The following DACH2 variants were observed in gnomAD, a reference collection of about 807,000 sequenced individuals.
The protein encoded by DACH2 is dachshund family transcription factor 2.
Under a neutral mutation model 35.8 loss-of-function variants are expected in DACH2, and 17 were observed. The ratio of observed to expected loss-of-function variants is 0.48; its 90% CI spans 0.33 to 0.71. The LOEUF is 0.71. Ranked by LOEUF, DACH2 falls within the 30% of genes least tolerant of loss-of-function variation. DACH2 has a pLI of 0.02. For missense variants in DACH2, 469 were observed against 472.7 expected (o/e 0.99, Z 0.07); for synonymous variants, 195 against 177.3 (o/e 1.10, Z -0.79).
chrX:86,468,611 T>C (rs1346304525), intron 2 of DACH2, among the ~76,000 whole-genome samples: 1 of 111,759 alleles, frequency 8.9e-6, no homozygotes, highest in African/African-American at 3.3e-5. Context: ...AGTGAAGATA[T>C]CAGTAGAATA....
At chrX:86,268,489 CATTTATTTT>C (rs1569322566) in intron 1 of DACH2, among the ~76,000 whole-genome samples, 13 of 87,152 alleles carry the variant, frequency 1.5e-4, no homozygotes, top group Non-Finnish European at 7.0e-5. Context: ...TCATTTAAAA[CATTTATTTT>C]ATTTTATTTT....
chrX:86,652,035 C>T (rs748532973), intron 4 of DACH2, among the ~76,000 whole-genome samples: 4 of 111,516 alleles, frequency 3.6e-5, no homozygotes, highest in South Asian at 7.6e-4. Flanking sequence ...GATTATTTTG[C>T]CACTTGGATA....
chrX:86,748,675 G>A (rs2041739527), intron 7 of DACH2, among the ~76,000 whole-genome samples: 2 of 111,280 alleles, frequency 1.8e-5, no homozygotes, highest in African/African-American at 6.5e-5. Flanking sequence ...AGAATTACAG[G>A]GTTTTTATTT....
At chrX:86,805,381 G>T (rs763662003) in intron 7 of DACH2, among the ~76,000 whole-genome samples, 32 of 112,595 alleles carry the variant, frequency 2.8e-4, no homozygotes, top group Non-Finnish European at 4.9e-4. Flanking sequence ...CCTGGGCCTG[G>T]CCCACGAAAT....
chrX:86,666,638 A>C (rs1015017691), intron 4 of DACH2, among the ~76,000 whole-genome samples: 1 of 111,478 alleles, frequency 9.0e-6, no homozygotes, highest in African/African-American at 3.3e-5. Context: ...CTGATGTGTA[A>C]AATAGTAAGT....
chrX:86,211,170 GA>G (rs1213593247), intron 1 of DACH2, among the ~76,000 whole-genome samples: 2 of 111,616 alleles, frequency 1.8e-5, no homozygotes, highest in Admixed American at 9.6e-5. Context: ...TAATCAAACA[GA>G]AACTATTTTA....
intron 3 of DACH2, among the ~76,000 whole-genome samples, chrX:86,599,335 C>CTT (rs1470060633): frequency 9.1e-4 from 101 of 110,432 alleles, no homozygotes; most frequent in African/African-American, 3.2e-3. Context: ...CTTTCTCTTT[C>CTT]TTTCTTTTTC....
chrX:86,348,883 A>T (rs1482321231), intron 1 of DACH2, among the ~76,000 whole-genome samples: 1 of 112,451 alleles, frequency 8.9e-6, no homozygotes, highest in Non-Finnish European at 1.9e-5. Flanking sequence ...TAGGGGGAGC[A>T]GGCAGACGGG....
intron 11 of DACH2, chrX:86,829,702 C>G (rs763131260): frequency 8.9e-6 from 1 of 112,310 alleles, no homozygotes; most frequent in South Asian, 3.7e-4. Context: ...TGGCATATGC[C>G]CATGTCAGGC....
At chrX:86,313,892 C>T (rs1370218201) in intron 1 of DACH2, among the ~76,000 whole-genome samples, 1 of 111,699 alleles carries the variant, frequency 9.0e-6, no homozygotes, top group Non-Finnish European at 1.9e-5. Context: ...CACTTTGTGC[C>T]TCTGTGTCAC....
chrX:86,450,917 GT>G (rs933635889), intron 2 of DACH2, among the ~76,000 whole-genome samples: 3 of 110,757 alleles, frequency 2.7e-5, no homozygotes, highest in African/African-American at 9.8e-5. Flanking sequence ...TCATGGGGTT[GT>G]TTTTTTCTTG....
intron 3 of DACH2, among the ~76,000 whole-genome samples, chrX:86,535,943 C>A (rs1477604760): frequency 9.0e-6 from 1 of 111,174 alleles, no homozygotes; most frequent in African/African-American, 3.3e-5. Flanking sequence ...TACCTTATGA[C>A]CTTGCAGCGG....
intron 7 of DACH2, among the ~76,000 whole-genome samples, chrX:86,794,552 C>G (rs1457130007): frequency 9.1e-6 from 1 of 110,089 alleles, no homozygotes; most frequent in Non-Finnish European, 1.9e-5. Flanking sequence ...CATTGAAAAG[C>G]AAATAAAAAA....
At chrX:86,218,982 G>A (rs1412070553) in intron 1 of DACH2, among the ~76,000 whole-genome samples, 5 of 111,630 alleles carry the variant, frequency 4.5e-5, no homozygotes, top group Non-Finnish European at 9.4e-5. Flanking sequence ...TAGTTTGAAT[G>A]TCCACCAAAT....
At chrX:86,520,906 G>T (rs1305343203) in intron 3 of DACH2, among the ~76,000 whole-genome samples, 2 of 111,213 alleles carry the variant, frequency 1.8e-5, no homozygotes, top group Admixed American at 9.6e-5. Flanking sequence ...TACATTCAAG[G>T]TTAGTATTGA....
intron 3 of DACH2, among the ~76,000 whole-genome samples, chrX:86,522,984 G>A (rs1362317942): frequency 8.9e-6 from 1 of 111,866 alleles, no homozygotes. Context: ...CTAATAGACA[G>A]ATGTGAAATT....
intron 2 of DACH2, among the ~76,000 whole-genome samples, chrX:86,476,721 C>T (rs1218001635): frequency 9.0e-5 from 10 of 111,279 alleles, no homozygotes; most frequent in African/African-American, 1.3e-4. Flanking sequence ...CTTACCAGTT[C>T]TTTAAGATGC....
At chrX:86,787,980 A>G (rs933106626) in intron 7 of DACH2, among the ~76,000 whole-genome samples, 2 of 111,305 alleles carry the variant, frequency 1.8e-5, no homozygotes, top group Non-Finnish European at 3.8e-5. Flanking sequence ...ATTCGAGTGC[A>G]CTACTTGACC....
chrX:86,632,842 C>A (rs1248964060), intron 3 of DACH2, among the ~76,000 whole-genome samples: 1 of 110,785 alleles, frequency 9.0e-6, no homozygotes, highest in Non-Finnish European at 1.9e-5. Context: ...CCTGAGAGTT[C>A]TTTGGGTCAA....
Sources: gnomAD v4.1 joint callset for allele counts (sites outside exome capture counted in the v4.1 genomes callset) on GRCh38, gnomAD v4.1.1 for gene constraint, MANE v1.5 for transcripts, NCBI Gene and HGNC (gene_info 2026-07-23, HGNC 2026-07-21) for gene names.